TLK1: variants seen among roughly 807,000 people sequenced by gnomAD.
TLK1 encodes the protein tousled like kinase 1.
A neutral mutation model predicts 105.3 loss-of-function variants in TLK1; 24 were observed. That is an observed-to-expected ratio of 0.23 (90% CI 0.17 to 0.32). The LOEUF (loss-of-function observed/expected upper bound fraction) is 0.32, where lower values mean the gene tolerates loss of function less well. Ranked by LOEUF, TLK1 falls within the 10% of genes least tolerant of loss-of-function variation. The pLI is 1.00. For synonymous variants in TLK1, 321 were observed against 310.4 expected, an observed-to-expected ratio of 1.03 and a Z score of -0.36; for missense variants, 558 against 910.5, an observed-to-expected ratio of 0.61 and a Z score of 4.98.
intron 1 of TLK1, among the ~76,000 whole-genome samples, chr2:171,185,669 C>T (rs1693012818): frequency 6.6e-6 from 1 of 152,192 alleles, no homozygotes; most frequent in South Asian, 2.1e-4. Context: ...ATATTCTTTG[C>T]TGTTAGATTG....
intron 1 of TLK1, among the ~76,000 whole-genome samples, chr2:171,230,579 A>G (rs1693977820): frequency 6.6e-6 from 1 of 152,046 alleles, no homozygotes; most frequent in African/African-American, 2.4e-5. Context: ...TAAAACCCCT[A>G]AACACCCTAG....
chr2:171,138,183 A>G (rs1266193361), intron 1 of TLK1, among the ~76,000 whole-genome samples: 1 of 152,224 alleles, frequency 6.6e-6, no homozygotes, highest in African/African-American at 2.4e-5. Flanking sequence ...ATGTTTGCTT[A>G]TATCAAGAAG....
intron 12 of TLK1, among the ~76,000 whole-genome samples, chr2:171,026,697 T>C (rs113448529): frequency 2.0e-5 from 3 of 152,268 alleles, no homozygotes; most frequent in Admixed American, 1.3e-4. Context: ...ACATAAAGCA[T>C]AGGCCCTTAC....
At chr2:171,220,036 A>G (rs1693778636) in intron 1 of TLK1, among the ~76,000 whole-genome samples, 3 of 152,288 alleles carry the variant, frequency 2.0e-5, no homozygotes, top group Admixed American at 2.0e-4. Context: ...TTTTGGGAGG[A>G]CACAAACATT....
intron 3 of TLK1, among the ~76,000 whole-genome samples, chr2:171,077,855 A>G (rs1688582370): frequency 6.6e-6 from 1 of 152,210 alleles, no homozygotes; most frequent in Admixed American, 6.5e-5. Flanking sequence ...GGAAATTTTC[A>G]TTGTGAATTC....
chr2:171,125,013 C>A (rs2105544677), intron 1 of TLK1, among the ~76,000 whole-genome samples: 1 of 152,328 alleles, frequency 6.6e-6, no homozygotes, highest in Non-Finnish European at 1.5e-5. Context: ...ACTCTTAAAT[C>A]AACTGTGCTT....
intron 2 of TLK1, among the ~76,000 whole-genome samples, chr2:171,085,827 A>G (rs1383714178): frequency 6.6e-6 from 1 of 152,200 alleles, no homozygotes; most frequent in African/African-American, 2.4e-5. Context: ...ATTAAATGAT[A>G]ATGACAAGGG....
intron 1 of TLK1, among the ~76,000 whole-genome samples, chr2:171,139,695 G>A (rs1456568982): frequency 6.6e-6 from 1 of 152,070 alleles, no homozygotes; most frequent in Non-Finnish European, 1.5e-5. Context: ...TACAATTCCA[G>A]ATGGCTAACT....
At chr2:171,072,514 T>G (rs1688308949) in intron 3 of TLK1, among the ~76,000 whole-genome samples, 1 of 151,614 alleles carries the variant, frequency 6.6e-6, no homozygotes, top group Non-Finnish European at 1.5e-5. Context: ...TTCTAGCACT[T>G]TGGGAGGCCA....
chr2:171,090,355 C>T (rs969755013), intron 2 of TLK1, among the ~76,000 whole-genome samples: 21 of 124,386 alleles, frequency 1.7e-4, no homozygotes, highest in African/African-American at 7.7e-4. Flanking sequence ...AACTAATTTA[C>T]TTATTAGTTT....
At chr2:171,045,516 A>G (rs1470309461) in intron 11 of TLK1, 1 of 151,332 alleles carries the variant, frequency 6.6e-6, no homozygotes, top group Non-Finnish European at 1.5e-5. Context: ...TGCCCGGTCT[A>G]TGTATTTTCT....
chr2:170,996,758 T>C lies in TLK1; in HGVS notation c.2019A>G (p.Pro673=). The stretch of plus-strand genomic sequence containing the variant: ...CTTGTTGAGATTGATTGTGACCAAA[T>C]GGCTTAAAAAAAAAATTAAATGTTG... ...IFFQCLYGRK[P]FGHNQSQQDI... Residue 673 remains proline (P), a splice_region_variant and synonymous_variant, in exon 20 of 21, where the codon CCA becomes CCG. Transcript: ENST00000431350. 6 of 1,595,598 alleles carry C rather than the reference T, an allele frequency of 3.8e-6. No individual in the cohort carries two copies. The highest frequency in any genetic ancestry group is 4.3e-6 in the Non-Finnish European group (5 of 1,173,328).
chr2:171,130,823 A>C (rs1033210648), intron 1 of TLK1, among the ~76,000 whole-genome samples: 1 of 152,012 alleles, frequency 6.6e-6, no homozygotes, highest in African/African-American at 2.4e-5. Context: ...AACTAAAACA[A>C]TCTTTAACCA....
chr2:171,165,599 T>C (rs925490550), upstream of TLK1, among the ~76,000 whole-genome samples: 23 of 152,324 alleles, frequency 1.5e-4, no homozygotes, highest in African/African-American at 5.5e-4. Context: ...CCTAAGCCCC[T>C]TTCCCCCAAA....
At position 171,160,504 on chromosome 2, in the gene TLK1, AT is replaced by A; in HGVS notation, c.-77del. ...AACGGCACCGGCACCCGCCTCCGTCATGGCGGGGGCCGCGCTGAGGGCGAGC... is the reference window on the plus strand; with the variant it reads ...AACGGCACCGGCACCCGCCTCCGTCAGGCGGGGGCCGCGCTGAGGGCGAGC... On this transcript the variant is annotated 5_prime_UTR_variant, in exon 1 of 21. It removes an upstream start codon present in the reference 5' UTR. Transcript: ENST00000431350. This position sits in a 1 kb window ranked among gnomAD's most constrained non-coding sequence, Gnocchi z 4.4. The A allele has an allele frequency of 6.7e-7, 1 of 1,484,804 alleles. No homozygotes were observed. The highest frequency in any genetic ancestry group is 1.2e-5 in the South Asian group (1 of 85,748). 92.0% of individuals were successfully genotyped at this position (1,484,804 alleles called of 1,614,324 possible).
chr2:171,210,673 C>T (rs1693596627), intron 1 of TLK1, among the ~76,000 whole-genome samples: 1 of 152,184 alleles, frequency 6.6e-6, no homozygotes, highest in Non-Finnish European at 1.5e-5. Context: ...ACGGACACTT[C>T]GGACTCTGAC....
chr2:171,044,240 T>C lies in TLK1; in HGVS notation c.1169+1934A>G, dbSNP rs368359466. ...GAGTTCAAGACAAGCCTGGACAACATGGGGAGACTCCATCTCTTCAAAACA... is the reference window on the plus strand; with the variant it reads ...GAGTTCAAGACAAGCCTGGACAACACGGGGAGACTCCATCTCTTCAAAACA... On this transcript the variant is annotated intron_variant, in intron 11 of 20. Transcript: ENST00000431350. Among the ~76,000 whole-genome samples the C allele has an allele frequency of 1.5e-4, 23 of 152,094 alleles. No homozygotes were observed. The East Asian group carries it at 1.5e-3, about 10-fold the overall frequency.
chr2:171,063,239 G>A lies in TLK1; in HGVS notation c.331-2083C>T, dbSNP rs375128728. Among the ~76,000 whole-genome samples, 28 of 152,060 alleles carry A rather than the reference G, an allele frequency of 1.8e-4. No homozygotes were observed. In the East Asian group the frequency reaches 4.1e-3, roughly 22 times the overall value. ...TGCATGCCTGTAGTGCCAGCTACTC[G>A]GGAGGCTGAAGCACAAGACTCGCTT... is the stretch of plus-strand genomic sequence containing the variant. On this transcript the variant is annotated intron_variant, in intron 3 of 20. Coordinates refer to ENST00000431350, the MANE Select transcript of TLK1 (RefSeq NM_012290.5).
chr2:171,019,023 TAAA>T (rs1685345134), intron 12 of TLK1, among the ~76,000 whole-genome samples: 1 of 152,052 alleles, frequency 6.6e-6, no homozygotes, highest in South Asian at 2.1e-4. Context: ...AATACTCACA[TAAA>T]AAGCCAAGTC....
Sources: allele counts gnomAD v4.1 joint callset (sites outside exome capture counted in the v4.1 genomes callset), GRCh38; gene constraint gnomAD v4.1.1; non-coding constraint Gnocchi (gnomAD v3.1); transcripts MANE v1.5; gene names NCBI Gene and HGNC (gene_info 2026-07-23, HGNC 2026-07-21).